The following FZD4 variants were observed in gnomAD, a reference collection of about 807,000 sequenced individuals.
FZD4 encodes frizzled-4.
In FZD4, 16 loss-of-function variants were observed where a neutral mutation model predicts 37.3. The ratio of observed to expected loss-of-function variants is 0.43; its 90% confidence interval spans 0.29 to 0.65. The LOEUF is 0.65. FZD4 is among the 30% of genes least tolerant of loss of function. FZD4 has a pLI of 0.16. For synonymous variants in FZD4, 246 were observed against 254.8 expected (o/e 0.97, Z 0.33); for missense variants, 599 against 674.3 (o/e 0.89, Z 1.24).
At position 86,952,199 on chromosome 11, in the gene FZD4, G is replaced by A. The variant is rs145072875; in HGVS notation, c.557C>T (p.Thr186Ile). 1.9e-6 allele frequency: 3 copies of A among 1,613,542 alleles called. No homozygotes were observed. Among genetic ancestry groups the A allele is most frequent in the Non-Finnish European group, 2.5e-6 (3 of 1,179,708 alleles). ...QPGEECHSVG[T>I]NSDQYIWVKR... is the part of the protein sequence containing the mutation. ...CACCCAGATGTACTGATCAGAATTG[G>A]TTCCCACAGAGTGACACTCTTCCCC... Residue 186 changes from threonine (T) to isoleucine (I), a missense_variant, in exon 2 of 2, where the codon ACC becomes ATC. Thr to Ile is a moderately conservative substitution (Grantham distance 89). Coordinates refer to ENST00000531380, the MANE Select transcript of FZD4 (RefSeq NM_012193.4).
rs1269103105 is a variant in FZD4 at position 86,949,404 on chromosome 11, T to C, written c.*1738A>G. ...GGAAATGTTTTTCCACAAAGTGTGA[T>C]TGAAAAAAAAAAAAAGAAAAAAAAA... On this transcript the variant is annotated 3_prime_UTR_variant, in exon 2 of 2. Transcript: ENST00000531380. The C allele has an allele frequency of 6.7e-6, 1 of 148,476 alleles. No individual in the cohort carries two copies. The highest frequency in any genetic ancestry group is 2.5e-5 in the African/African-American group (1 of 39,558). 9.2% of individuals were successfully genotyped at this position (148,476 alleles called of 1,614,324 possible).
rs529585241 is a variant in FZD4 at position 86,948,424 on chromosome 11, G to A, written c.*2718C>T. 6.6e-6 allele frequency: 1 copy of A among 152,142 alleles called. No individual in the cohort carries two copies. The highest frequency in any genetic ancestry group is 1.5e-5 in the Non-Finnish European group (1 of 68,028). The allele number at this position is 152,142 out of a possible 1,614,324, so 9.4% of individuals were successfully genotyped here. On this transcript the variant is annotated 3_prime_UTR_variant, in exon 2 of 2. Coordinates refer to ENST00000531380, the MANE Select transcript of FZD4 (RefSeq NM_012193.4). ...TTTAACAAATACCGATTTAAGAAGT[G>A]ATGGAGTTGATTGAAGGTCACTGGT...
In FZD4 at chr11:86,952,252, G is replaced by A; in HGVS notation, c.504C>T (p.Pro168=). 1.9e-6 allele frequency: 3 copies of A among 1,614,188 alleles called. No individual in the cohort carries two copies. The highest frequency in any genetic ancestry group is 2.2e-5 in the East Asian group (1 of 44,888). ...CMEGPGDEEV[P]LPHKTPIQPG... Reference sequence around the variant, plus strand: ...GCTGGATGGGGGTTTTGTGAGGTAAGGGCACCTCTTCATCACCTGGCCCTT... The same window carrying A: ...GCTGGATGGGGGTTTTGTGAGGTAAAGGCACCTCTTCATCACCTGGCCCTT... Residue 168 remains proline (P), a synonymous_variant, in exon 2 of 2, where the codon CCC becomes CCT. Coordinates refer to ENST00000531380, the MANE Select transcript of FZD4 (RefSeq NM_012193.4).
At chr11:86,952,500 A>C (rs371800907) in intron 1 of FZD4, 30 bp from the exon 2 acceptor site, 189 of 1,605,950 alleles carry the variant, frequency 1.2e-4, no homozygotes, top group South Asian at 1.4e-4. Flanking sequence ...AACACACACA[A>C]AAAAAACAAT....
At position 86,955,055 on chromosome 11, in the gene FZD4, G is replaced by A; in HGVS notation, c.31C>T (p.Pro11Ser). Residue 11 changes from proline (P) to serine (S), a missense_variant, in exon 1 of 2, where the codon CCG (proline) becomes TCG (serine). Transcript: ENST00000531380. ...AGACCGACGCCCCCGGGCGCCCCCG[G>A]GACGCTCGGCCCTGCGCCCCGCCAG... Reference protein sequence around the residue: MAWRGAGPSVPGAPGGVGLSL... With the variant: MAWRGAGPSVSGAPGGVGLSL... The A allele has an allele frequency of 6.3e-7, 1 of 1,597,286 alleles. No homozygotes were observed. The highest frequency in any genetic ancestry group is 8.5e-7 in the Non-Finnish European group (1 of 1,173,680).
At position 86,949,817 on chromosome 11, in the gene FZD4, TA is replaced by T. The variant is rs1271136393; in HGVS notation, c.*1324del. On this transcript the variant is annotated 3_prime_UTR_variant, in exon 2 of 2. Transcript: ENST00000531380. ...TTCTGGAGATTCATTAAGCACCATA[TA>T]AATACTCCAGGCCACACTGCCTCCA... 3 of 152,680 alleles carry T rather than the reference TA, an allele frequency of 2.0e-5. No homozygotes were observed. The highest frequency in any genetic ancestry group is 7.2e-5 in the African/African-American group (3 of 41,464). The allele number at this position is 152,680 out of a possible 1,614,324, so 9.5% of individuals were successfully genotyped here. A position where few individuals can be genotyped will look rare whatever the true frequency, so the allele number is the denominator to read the frequency against.
chr11:86,953,850 C>T (rs1047801615), intron 1 of FZD4, among the ~76,000 whole-genome samples: 3 of 152,056 alleles, frequency 2.0e-5, no homozygotes, highest in South Asian at 4.1e-4. Context: ...CTCCTAACCT[C>T]GTGAGCCACC....
chr11:86,952,607 C>CTGTT (rs1949304359), intron 1 of FZD4, 137 bp from the exon 2 acceptor site: 1 of 868,598 alleles, frequency 1.2e-6, no homozygotes, highest in African/African-American at 1.7e-5. Context: ...GGGAGTCTGT[C>CTGTT]TGTTTACTCT....
Position 86,952,113 on chromosome 11 carries a change from C to T in FZD4, c.643G>A (p.Ala215Thr). ...ATCCAGATATCAGTGAACTCCTTGG[C>T]TGAGCGGCTGTATAAGCCAGCATCA... is the stretch of plus-strand genomic sequence containing the variant. The part of the protein sequence containing the change: ...GYDAGLYSRS[A>T]KEFTDIWMAV... The change falls in exon 2 of 2, where the codon GCC becomes ACC. Residue 215 changes from alanine to threonine, a missense_variant. By Grantham distance (58) the Ala-to-Thr change is moderately conservative. This residue lies in a region of FZD4 where 357 missense variants were observed against 396.1 expected (regional missense o/e 0.90). Coordinates refer to ENST00000531380, the MANE Select transcript of FZD4 (RefSeq NM_012193.4). 6.2e-7 allele frequency: 1 copy of T among 1,614,016 alleles called. No individual in the cohort carries two copies.
chr11:86,952,306 T>C lies in FZD4; in HGVS notation c.450A>G (p.Pro150=), dbSNP rs773169981. 3.1e-6 allele frequency: 5 copies of C among 1,614,066 alleles called. No individual in the cohort carries two copies. Among genetic ancestry groups the C allele is most frequent in the South Asian group, 1.1e-5 (1 of 91,090 alleles). ...TGCACATGTGGTTGTGGTCGTTCTG[T>C]GGTGGGAATTTGCTGCAGTTCAGAC... ...PESLNCSKFP[P]QNDHNHMCME... Residue 150 remains proline (P), a synonymous_variant, in exon 2 of 2, where the codon CCA becomes CCG. Transcript: ENST00000531380.
At chr11:86,953,738 T>C (rs2135043793) in intron 1 of FZD4, among the ~76,000 whole-genome samples, 1 of 152,300 alleles carries the variant, frequency 6.6e-6, no homozygotes, top group South Asian at 2.1e-4. Context: ...TGCCTCAGCC[T>C]CCTGAGTAGC....
chr11:86,949,399 T>C lies in FZD4; in HGVS notation c.*1743A>G, dbSNP rs1949270717. 6.8e-6 allele frequency: 1 copy of C among 146,816 alleles called. No homozygotes were observed. The highest frequency in any genetic ancestry group is 2.5e-5 in the African/African-American group (1 of 39,282). The allele number at this position is 146,816 out of a possible 1,614,324, so 9.1% of individuals were successfully genotyped here. A position where few individuals can be genotyped will look rare whatever the true frequency, so the allele number is the denominator to read the frequency against. ...TCCCTGGAAATGTTTTTCCACAAAGTGTGATTGAAAAAAAAAAAAAGAAAA... is the reference window on the plus strand; with the variant it reads ...TCCCTGGAAATGTTTTTCCACAAAGCGTGATTGAAAAAAAAAAAAAGAAAA... On this transcript the variant is annotated 3_prime_UTR_variant, in exon 2 of 2. Coordinates refer to ENST00000531380, the MANE Select transcript of FZD4 (RefSeq NM_012193.4).
Position 86,955,206 on chromosome 11 carries a change from C to A in FZD4, c.-121G>T, listed in dbSNP as rs1590945626. The stretch of plus-strand genomic sequence containing the variant: ...CTCCCGGGACGGGAGTGTGATGCGG[C>A]GACGAGGGGGCAGCGGCCGGCTCTC... On this transcript the variant is annotated 5_prime_UTR_variant, in exon 1 of 2. Coordinates refer to ENST00000531380, the MANE Select transcript of FZD4 (RefSeq NM_012193.4). The A allele has an allele frequency of 1.3e-5, 10 of 749,788 alleles. No homozygotes were observed. In the East Asian group the frequency reaches 3.0e-4, roughly 22 times the overall value. The allele number at this position is 749,788 out of a possible 1,614,324, so 46.4% of individuals were successfully genotyped here. A position where few individuals can be genotyped will look rare whatever the true frequency, so the allele number is the denominator to read the frequency against.
At position 86,952,211 on chromosome 11, in the gene FZD4, T is replaced by C; in HGVS notation, c.545A>G (p.His182Arg). 6.2e-7 allele frequency: 1 copy of C among 1,613,828 alleles called. No homozygotes were observed. Among genetic ancestry groups the C allele is most frequent in the East Asian group, 2.2e-5 (1 of 44,870 alleles). ...CTGATCAGAATTGGTTCCCACAGAGTGACACTCTTCCCCAGGCTGGATGGG... is the reference window on the plus strand; with the variant it reads ...CTGATCAGAATTGGTTCCCACAGAGCGACACTCTTCCCCAGGCTGGATGGG... The part of the protein sequence containing the change: ...KTPIQPGEEC[H>R]SVGTNSDQYI... Residue 182 changes from histidine to arginine, a missense_variant, in exon 2 of 2, where the codon CAC (histidine) becomes CGC (arginine). Physicochemically the swap from His to Arg is conservative, Grantham distance 29. Transcript: ENST00000531380.
rs768431477 is a variant in FZD4, at chr11:86,954,821, C to G, written c.265G>C (p.Gly89Arg). 6.2e-7 allele frequency: 1 copy of G among 1,611,186 alleles called. No homozygotes were observed. The highest frequency in any genetic ancestry group is 1.1e-5 in the South Asian group (1 of 90,560). ...LTTFTPLIQYGCSSQLQFFLC... is the reference protein window; with the variant it reads ...LTTFTPLIQYRCSSQLQFFLC... ...CCCACCTGCAGCTGGCTGGAGCAGC[C>G]GTACTGGATGAGCGGTGTGAAAGTT... The change falls in exon 1 of 2, where the codon GGC (glycine) becomes CGC (arginine). Residue 89 changes from glycine (G) to arginine (R), a missense_variant. This residue lies in a region of FZD4 where 357 missense variants were observed against 396.1 expected (regional missense o/e 0.90). Transcript: ENST00000531380.
In FZD4 at chr11:86,954,924, C is replaced by G. The variant is rs553511620; in HGVS notation, c.162G>C (p.Gln54His). The G allele has an allele frequency of 1.2e-6, 2 of 1,613,752 alleles. No homozygotes were observed. Among genetic ancestry groups the G allele is most frequent in the African/African-American group, 1.3e-5 (1 of 74,964 alleles). Residue 54 changes from glutamine (Q) to histidine (H), a missense_variant, in exon 1 of 2, where the codon CAG (glutamine) becomes CAC (histidine). Physicochemically the swap from Gln to His is conservative, Grantham distance 24. Around this residue, in one of 3 missense-constraint regions of FZD4, gnomAD observed 357 missense variants for 396.1 expected, o/e 0.90. Transcript: ENST00000531380. ...RCDPIRISMC[Q>H]NLGYNVTKMP... ...TCTTGGTCACGTTGTAGCCGAGGTTCTGGCACATGGAGATGCGGATGGGGT... is the reference window on the plus strand; with the variant it reads ...TCTTGGTCACGTTGTAGCCGAGGTTGTGGCACATGGAGATGCGGATGGGGT...
In FZD4 at chr11:86,947,544, T is replaced by G. The variant is rs1484766002; in HGVS notation, c.*3598A>C. ...CTTCCCGGAACCTGAGTTTGGAGAGTGCAGGTGAGACAGTGACCTGGGAGA... is the reference window on the plus strand; with the variant it reads ...CTTCCCGGAACCTGAGTTTGGAGAGGGCAGGTGAGACAGTGACCTGGGAGA... On this transcript the variant is annotated 3_prime_UTR_variant, in exon 2 of 2. Coordinates refer to ENST00000531380, the MANE Select transcript of FZD4 (RefSeq NM_012193.4). The G allele has an allele frequency of 6.6e-6, 1 of 152,078 alleles. No homozygotes were observed. Among genetic ancestry groups the G allele is most frequent in the Admixed American group, 6.6e-5 (1 of 15,254 alleles). The allele number at this position is 152,078 out of a possible 1,614,324, so 9.4% of individuals were successfully genotyped here.
Position 86,955,149 on chromosome 11 carries a change from A to C in FZD4, c.-64T>G. ...GCTCTGGCAGACACCCCCAGTTTGC[A>C]CGGGGGCGCCGGCTGCCCGCGCTGC... On this transcript the variant is annotated 5_prime_UTR_variant, in exon 1 of 2. Coordinates refer to ENST00000531380, the MANE Select transcript of FZD4 (RefSeq NM_012193.4). 1.6e-6 allele frequency: 2 copies of C among 1,271,642 alleles called. No individual in the cohort carries two copies. The highest frequency in any genetic ancestry group is 2.0e-6 in the Non-Finnish European group (2 of 976,430). 78.8% of individuals were successfully genotyped at this position (1,271,642 alleles called of 1,614,324 possible).
chr11:86,952,525 A>C (rs1949303594), intron 1 of FZD4, 55 bp from the exon 2 acceptor site: 1 of 1,589,446 alleles, frequency 6.3e-7, no homozygotes, highest in African/African-American at 1.3e-5. Context: ...TGGAAGTTTG[A>C]CCAAATGCTC....
Sources: gnomAD v4.1 joint callset for allele counts (sites outside exome capture counted in the v4.1 genomes callset) on GRCh38, gnomAD v4.1.1 for gene constraint, gnomAD v4.1.1 regional missense constraint, MANE v1.5 for transcripts, NCBI Gene and HGNC (gene_info 2026-07-23, HGNC 2026-07-21) for gene names.